The following AAK1 variants were observed in gnomAD, a reference collection of about 807,000 sequenced individuals.
The protein encoded by AAK1 is AP2 associated kinase 1.
AAK1 carries 37 observed loss-of-function variants against 116.0 expected under a neutral mutation model. The observed-to-expected ratio is 0.32, with a 90% CI of 0.25 to 0.42. AAK1 has a LOEUF of 0.42. AAK1 is among the 10% of genes least tolerant of loss of function. AAK1 has a pLI of 1.00. For missense variants in AAK1, 919 were observed against 1,170.6 expected (o/e 0.79, Z 3.14); for synonymous variants, 458 against 439.9 (o/e 1.04, Z -0.51).
Position 69,514,780 on chromosome 2 carries a change from C to T in AAK1, c.1498-31G>A, listed in dbSNP as rs186288839. 8,378 of 1,531,172 alleles carry T rather than the reference C, an allele frequency of 5.5e-3. 44 individuals are homozygous for T. The highest frequency in any genetic ancestry group is 5.5e-3 in the Non-Finnish European group (6,235 of 1,138,740). 94.8% of individuals were successfully genotyped at this position (1,531,172 alleles called of 1,614,324 possible). ...CAAGAAATGAGGAGATGAATAAGGG[C>T]CTGTCCCAGAATAATAGTCACAAAA... On this transcript the variant is annotated intron_variant, in intron 12 of 21. Coordinates refer to ENST00000409085, the MANE Select transcript of AAK1 (RefSeq NM_014911.5).
chr2:69,471,106 A>C lies in AAK1; in HGVS notation c.*4763T>G. On this transcript the variant is annotated 3_prime_UTR_variant, in exon 22 of 22. Transcript: ENST00000409085. ...AGGACGCGTTAAAGACCTATGATAA[A>C]CACACATCCACATGACAAAGGAGAG... The C allele has an allele frequency of 1.1e-5, 11 of 985,778 alleles. No homozygotes were observed. Among genetic ancestry groups the C allele is most frequent in the Non-Finnish European group, 1.3e-5 (11 of 829,932 alleles). 61.1% of individuals were successfully genotyped at this position (985,778 alleles called of 1,614,324 possible).
At chr2:69,630,377 A>G (rs1675122056) in intron 2 of AAK1, among the ~76,000 whole-genome samples, 1 of 145,942 alleles carries the variant, frequency 6.9e-6, no homozygotes, top group Non-Finnish European at 1.5e-5. Flanking sequence ...GGGGAGGGAG[A>G]GAGAGAGACC....
chr2:69,571,083 T>C (rs942000648), intron 2 of AAK1, among the ~76,000 whole-genome samples: 1 of 152,242 alleles, frequency 6.6e-6, no homozygotes, highest in African/African-American at 2.4e-5. Context: ...TTGCTAGGAC[T>C]ATATTCTCTC....
At chr2:69,530,843 G>C in intron 6 of AAK1, 137 bp from the exon 7 acceptor site, 3 of 637,996 alleles carry the variant, frequency 4.7e-6, no homozygotes, top group Middle Eastern at 4.2e-4. Context: ...TGAAATATTA[G>C]TAGAGATAAA....
chr2:69,534,546 C>A (rs1670385219), intron 5 of AAK1, among the ~76,000 whole-genome samples: 1 of 152,360 alleles, frequency 6.6e-6, no homozygotes, highest in East Asian at 1.9e-4. Context: ...CCATACACAA[C>A]CTAATTTGTC....
chr2:69,559,533 T>C (rs1307187573), intron 2 of AAK1, among the ~76,000 whole-genome samples: 1 of 152,360 alleles, frequency 6.6e-6, no homozygotes, highest in Non-Finnish European at 1.5e-5. Flanking sequence ...TTGTAAATAG[T>C]ATAAGTAGGA....
intron 17 of AAK1, among the ~76,000 whole-genome samples, chr2:69,486,320 A>C (rs1675299183): frequency 6.6e-6 from 1 of 152,148 alleles, no homozygotes; most frequent in Non-Finnish European, 1.5e-5. Context: ...GTAAAGAAGT[A>C]CATGAGTGTA....
chr2:69,511,900 A>G lies in AAK1; in HGVS notation c.1777-2440T>C, dbSNP rs114633717. Reference sequence around the variant, plus strand: ...AATCTACAGACACTAAGTGGTTTGTATCTGTTCAGCTACGCCTCCCAGCAA... The same window carrying G: ...AATCTACAGACACTAAGTGGTTTGTGTCTGTTCAGCTACGCCTCCCAGCAA... On this transcript the variant is annotated intron_variant, in intron 13 of 21. Transcript: ENST00000409085. Among the ~76,000 whole-genome samples, 1,206 of 152,318 alleles carry G rather than the reference A, an allele frequency of 7.9e-3. 13 individuals carry two copies. The highest frequency in any genetic ancestry group is 0.028 in the African/African-American group (1,145 of 41,560).
At chr2:69,567,569 T>TA (rs200817519) in intron 2 of AAK1, among the ~76,000 whole-genome samples, 1,564 of 152,170 alleles carry the variant, frequency 0.01, 14 homozygotes, top group Non-Finnish European at 0.016. Flanking sequence ...TAAAAAATTT[T>TA]AAAAAAACAA....
intron 2 of AAK1, among the ~76,000 whole-genome samples, chr2:69,641,817 T>C (rs1010889697): frequency 3.3e-5 from 5 of 152,212 alleles, no homozygotes; most frequent in African/African-American, 1.2e-4. Flanking sequence ...AACTGTTCCC[T>C]ACCATCACCA....
intron 5 of AAK1, 106 bp from the exon 6 acceptor site, chr2:69,532,268 A>C: frequency 1.4e-5 from 19 of 1,372,652 alleles, no homozygotes; most frequent in East Asian, 2.5e-5. Flanking sequence ...TGGCAGTCTC[A>C]TTAATGTGCA....
In AAK1 at chr2:69,574,399, AG is replaced by A. The variant is rs1450507281; in HGVS notation, c.164-17422del. Among the ~76,000 whole-genome samples the A allele has an allele frequency of 6.4e-5, 9 of 140,466 alleles. No homozygotes were observed. The East Asian group carries it at 2.0e-3, about 31-fold the overall frequency. The allele number at this position is 140,466 out of a possible 152,430, so 92.2% of individuals were successfully genotyped here. On this transcript the variant is annotated intron_variant, in intron 2 of 21. Transcript: ENST00000409085. Reference sequence around the variant, plus strand: ...TCTCAAAAAAAAAAAAAAAAAAAAAAGAGAAGAGAAAGAGAGAGAGATTGGG... The same window carrying A: ...TCTCAAAAAAAAAAAAAAAAAAAAAAAGAAGAGAAAGAGAGAGAGATTGGG...
At chr2:69,500,698 T>TATGTAC in intron 16 of AAK1, among the ~76,000 whole-genome samples, 2 of 65,102 alleles carry the variant, frequency 3.1e-5, no homozygotes, top group Non-Finnish European at 5.2e-5. Flanking sequence ...TATATATATA[T>TATGTAC]ACACACACAC....
In AAK1 at chr2:69,465,831, G is replaced by C. The variant is rs982870062; in HGVS notation, c.*10038C>G. On this transcript the variant is annotated 3_prime_UTR_variant, in exon 22 of 22. Coordinates refer to ENST00000409085, the MANE Select transcript of AAK1 (RefSeq NM_014911.5). ...AGACTGTTGCACAAAACCAGCTGTG[G>C]AATACTGAGCTTGGACAGAGGTGTA... 1.2e-5 allele frequency: 15 copies of C among 1,290,760 alleles called. No homozygotes were observed. The African/African-American group carries it at 2.0e-4, about 17-fold the overall frequency. 80.0% of individuals were successfully genotyped at this position (1,290,760 alleles called of 1,614,324 possible).
rs2104882328 is a variant in AAK1, at chr2:69,475,881, G to A, written c.2874C>T (p.Leu958=). Residue 958 remains leucine (L), a synonymous_variant, in exon 22 of 22, where the codon CTC becomes CTT. Coordinates refer to ENST00000409085, the MANE Select transcript of AAK1 (RefSeq NM_014911.5). ...LARSLLLVDQ[L]IDL ...TACTGGGTCACGGCTACAGGTCTAT[G>A]AGCTGATCCACCAGCAGTAAAGACC... 2 of 1,611,624 alleles carry A rather than the reference G, an allele frequency of 1.2e-6. No individual in the cohort carries two copies. Among genetic ancestry groups the A allele is most frequent in the Non-Finnish European group, 1.7e-6 (2 of 1,179,036 alleles).
At chr2:69,504,264 G>C (rs13422732) in intron 16 of AAK1, among the ~76,000 whole-genome samples, 5 of 151,590 alleles carry the variant, frequency 3.3e-5, no homozygotes, top group African/African-American at 1.2e-4. Context: ...GGCCATAGTG[G>C]CATACACCGG....
At position 69,496,039 on chromosome 2, in the gene AAK1, G is replaced by A; in HGVS notation, c.2311C>T (p.Pro771Ser). 1 of 1,555,434 alleles carries A rather than the reference G, an allele frequency of 6.4e-7. No homozygotes were observed. ...AAAGGATCAGACACGCTTAGAAGCG[G>A]GAGGCCAGAGTCCACAGTCTGCCCA... ...KGGQTVDSGLPLLSVSDPFIP... is the reference protein window; with the variant it reads ...KGGQTVDSGLSLLSVSDPFIP... Residue 771 changes from proline (P) to serine (S), a missense_variant, in exon 17 of 22, where the codon CCG becomes TCG. Around this residue, in one of 4 missense-constraint regions of AAK1, gnomAD observed 263 missense variants for 285.5 expected, o/e 0.92. Transcript: ENST00000409085.
chr2:69,600,264 C>T (rs1216577764), intron 2 of AAK1, among the ~76,000 whole-genome samples: 1 of 149,574 alleles, frequency 6.7e-6, no homozygotes, highest in East Asian at 1.9e-4. Flanking sequence ...GACTGAAGAT[C>T]CAAGTTGCAT....
At position 69,468,452 on chromosome 2, in the gene AAK1, C is replaced by T; in HGVS notation, c.*7417G>A. On this transcript the variant is annotated 3_prime_UTR_variant, in exon 22 of 22. Coordinates refer to ENST00000409085, the MANE Select transcript of AAK1 (RefSeq NM_014911.5). ...ATCAGTTGGACAAAGTTTTCAGTTG[C>T]CAAAACAAAAGCACAATTTCTCATC... The T allele has an allele frequency of 3.0e-6, 3 of 985,360 alleles. No homozygotes were observed. The highest frequency in any genetic ancestry group is 3.6e-6 in the Non-Finnish European group (3 of 829,924). 61.0% of individuals were successfully genotyped at this position (985,360 alleles called of 1,614,324 possible). A position where few individuals can be genotyped will look rare whatever the true frequency, so the allele number is the denominator to read the frequency against.
Sources: gnomAD v4.1 joint callset for allele counts (sites outside exome capture counted in the v4.1 genomes callset) on GRCh38, gnomAD v4.1.1 for gene constraint, gnomAD v4.1.1 regional missense constraint, MANE v1.5 for transcripts, NCBI Gene and HGNC (gene_info 2026-07-23, HGNC 2026-07-21) for gene names.